DNAH9: variants seen among roughly 807,000 people sequenced by gnomAD.
DNAH9 encodes the protein DNAH9 variant protein.
A neutral mutation model predicts 471.6 loss-of-function variants in DNAH9; 345 were observed. The ratio of observed to expected loss-of-function variants is 0.73; its 90% CI spans 0.67 to 0.80. The LOEUF is 0.80. Among genes scored for constraint, DNAH9 ranks in the 30% least tolerant of loss-of-function variants. DNAH9 has a pLI of 0.00. For missense variants in DNAH9, 5,407 were observed against 5,609.2 expected (o/e 0.96, Z 1.15); for synonymous variants, 2,093 against 2,123.6 (o/e 0.99, Z 0.40).
intron 15 of DNAH9, among the ~76,000 whole-genome samples, chr17:11,667,396 T>C (rs576645307): frequency 3.2e-4 from 49 of 152,332 alleles, no homozygotes; most frequent in African/African-American, 9.1e-4. Flanking sequence ...ATTGGGACTC[T>C]CCTGAGTCCA....
Position 11,738,878 on chromosome 17 carries a change from A to G in DNAH9, c.5815-2A>G. 1 of 1,613,662 alleles carries G rather than the reference A, an allele frequency of 6.2e-7. No individual in the cohort carries two copies. The highest frequency in any genetic ancestry group is 8.5e-7 in the Non-Finnish European group (1 of 1,179,718). Reference sequence around the variant, plus strand: ...TTTCTCGCTGATTGATTGGTTCACCAGGTAAAAAGCATTCAAGATGCGATT... The same window carrying G: ...TTTCTCGCTGATTGATTGGTTCACCGGGTAAAAAGCATTCAAGATGCGATT... On this transcript the variant is annotated splice_acceptor_variant, in intron 28 of 68. Coordinates refer to ENST00000262442, the MANE Select transcript of DNAH9 (RefSeq NM_001372.4). LOFTEE classifies it high-confidence loss of function.
At chr17:11,775,892 A>T (rs777406513) in intron 38 of DNAH9, among the ~76,000 whole-genome samples, 3 of 152,106 alleles carry the variant, frequency 2.0e-5, no homozygotes, top group Non-Finnish European at 4.4e-5. Context: ...GCGCCGGGCC[A>T]ATCAGATGTT....
intron 49 of DNAH9, among the ~76,000 whole-genome samples, chr17:11,846,355 G>C (rs1326902090): frequency 1.3e-5 from 2 of 149,782 alleles, no homozygotes; most frequent in Non-Finnish European, 3.0e-5. Context: ...CTGTTCCATT[G>C]ATCTATATCT....
chr17:11,928,957 AG>A (rs1332055095), intron 62 of DNAH9, among the ~76,000 whole-genome samples: 1 of 151,858 alleles, frequency 6.6e-6, no homozygotes, highest in African/African-American at 2.4e-5. Context: ...TGTACCATCA[AG>A]GTTTCAAATA....
chr17:11,942,493 C>G lies in DNAH9; in HGVS notation c.12843+8C>G, dbSNP rs62062000. ...CTGGAGCTCGGCTTAAAGGTGAGCG[C>G]GGTCTTGTAAGGCATGGAGGGGACA... On this transcript the variant is annotated splice_region_variant and intron_variant, in intron 67 of 68. Coordinates refer to ENST00000262442, the MANE Select transcript of DNAH9 (RefSeq NM_001372.4). The G allele has an allele frequency of 6.2e-7, 1 of 1,612,062 alleles. No individual in the cohort carries two copies. The highest frequency in any genetic ancestry group is 1.1e-5 in the South Asian group (1 of 90,902).
intron 23 of DNAH9, 54 bp from the exon 24 acceptor site, chr17:11,701,068 G>A (rs2074584903): frequency 1.2e-6 from 2 of 1,606,016 alleles, no homozygotes; most frequent in East Asian, 2.2e-5. Context: ...AAAATATGTA[G>A]GACTAACCAA....
chr17:11,776,353 C>CAA (rs78587925), intron 38 of DNAH9, among the ~76,000 whole-genome samples: 1,338 of 112,682 alleles, frequency 0.012, 30 homozygotes, highest in African/African-American at 0.039. Flanking sequence ...CATCTGCATT[C>CAA]AAAAAAAAAA....
At chr17:11,893,764 AG>A (rs1358121041) in intron 58 of DNAH9, among the ~76,000 whole-genome samples, 1 of 152,204 alleles carries the variant, frequency 6.6e-6, no homozygotes, top group East Asian at 1.9e-4. Flanking sequence ...TAAGGCATGC[AG>A]GGCTTCAAAC....
At chr17:11,699,581 C>A in intron 22 of DNAH9, 150 bp from the exon 23 acceptor site, 1 of 663,970 alleles carries the variant, frequency 1.5e-6, no homozygotes, top group South Asian at 1.9e-5. Flanking sequence ...GTCCTCACAT[C>A]AGCATTGTTC....
At chr17:11,786,336 G>A (rs1009484906) in intron 41 of DNAH9, among the ~76,000 whole-genome samples, 1 of 152,066 alleles carries the variant, frequency 6.6e-6, no homozygotes, top group Non-Finnish European at 1.5e-5. Context: ...AGCGCCAATG[G>A]TCAGGGAGGT....
At position 11,826,820 on chromosome 17, in the gene DNAH9, CT is replaced by C. The variant is rs760330537; in HGVS notation, c.9246+3808del. Among the ~76,000 whole-genome samples the C allele has an allele frequency of 4.9e-3, 508 of 102,992 alleles. 1 individual carries two copies. The highest frequency in any genetic ancestry group is 0.014 in the South Asian group (41 of 2,876). The allele number at this position is 102,992 out of a possible 152,430, so 67.6% of individuals were successfully genotyped here. On this transcript the variant is annotated intron_variant, in intron 48 of 68. Coordinates refer to ENST00000262442, the MANE Select transcript of DNAH9 (RefSeq NM_001372.4). ...TGTCCTCTTGTTGAGTCCCTACTTT[CT>C]TTTTTTTTTTTTTTTTTTTTTGAGA...
chr17:11,679,779 A>G lies in DNAH9; in HGVS notation c.3376A>G (p.Ile1126Val). The part of the protein sequence containing the change: ...THSLANLDAF[I>V]KKSESGLLKK... ...TAGCTTGGCCAACCTGGATGCGTTT[A>G]TAAAGAAGAGTGAGAGCGGCTTACT... Residue 1126 changes from isoleucine (I) to valine (V), a missense_variant, in exon 18 of 69, where the codon ATA becomes GTA. Coordinates refer to ENST00000262442, the MANE Select transcript of DNAH9 (RefSeq NM_001372.4). The G allele has an allele frequency of 1.2e-6, 2 of 1,614,104 alleles. No homozygotes were observed. Among genetic ancestry groups the G allele is most frequent in the Non-Finnish European group, 1.7e-6 (2 of 1,179,962 alleles).
intron 50 of DNAH9, among the ~76,000 whole-genome samples, chr17:11,867,446 A>G (rs1266804659): frequency 6.9e-6 from 1 of 145,764 alleles, no homozygotes; most frequent in Admixed American, 7.3e-5. Context: ...ATTAACAACA[A>G]TAGTGATTTC....
intron 50 of DNAH9, among the ~76,000 whole-genome samples, chr17:11,857,519 C>A (rs535423824): frequency 6.6e-6 from 1 of 152,152 alleles, no homozygotes; most frequent in East Asian, 1.9e-4. Flanking sequence ...ATACACACAC[C>A]CAAGTCTTAC....
chr17:11,818,344 G>A (rs776348763), intron 45 of DNAH9, among the ~76,000 whole-genome samples: 4 of 151,812 alleles, frequency 2.6e-5, no homozygotes, highest in Non-Finnish European at 4.4e-5. Context: ...CAGGAGAATC[G>A]CTTGAACCTG....
rs538752174 is a variant in DNAH9, at chr17:11,653,385, C to T, written c.2595+383C>T. On this transcript the variant is annotated intron_variant, in intron 14 of 68. Coordinates refer to ENST00000262442, the MANE Select transcript of DNAH9 (RefSeq NM_001372.4). ...GTCCTCCAGCATCATCCTTATAACC[C>T]GGCTCCGTAGAGCCTAAAGAAATGA... Among the ~76,000 whole-genome samples, 8 of 152,286 alleles carry T rather than the reference C, an allele frequency of 5.3e-5. No individual in the cohort carries two copies. The South Asian group carries it at 1.5e-3, about 28-fold the overall frequency.
In DNAH9 at chr17:11,923,912, G is replaced by A. The variant is rs761835182; in HGVS notation, c.11848G>A (p.Ala3950Thr). 1 of 1,613,998 alleles carries A rather than the reference G, an allele frequency of 6.2e-7. No homozygotes were observed. Among genetic ancestry groups the A allele is most frequent in the South Asian group, 1.1e-5 (1 of 91,074 alleles). Residue 3950 changes from alanine to threonine, a missense_variant, in exon 62 of 69, where the codon GCC (alanine) becomes ACC (threonine). This residue lies in a region of DNAH9 where 4,636 missense variants were observed against 4,900.3 expected (regional missense o/e 0.95). Coordinates refer to ENST00000262442, the MANE Select transcript of DNAH9 (RefSeq NM_001372.4). ...VVAEAALDLA[A>T]KKGHWVILQN... The stretch of plus-strand genomic sequence containing the variant: ...GGCTGAGGCTGCGCTGGACCTCGCT[G>A]CCAAGAAAGGTCACTGGGTTATTTT...
chr17:11,869,480 G>A (rs1452679260), intron 51 of DNAH9, among the ~76,000 whole-genome samples: 1 of 152,180 alleles, frequency 6.6e-6, no homozygotes, highest in Non-Finnish European at 1.5e-5. Context: ...TGGGAGCACT[G>A]GATCTATCAG....
At chr17:11,816,460 T>G (rs983816819) in intron 45 of DNAH9, among the ~76,000 whole-genome samples, 19 of 152,272 alleles carry the variant, frequency 1.2e-4, no homozygotes, top group African/African-American at 4.3e-4. Flanking sequence ...AATACTACTA[T>G]TGGACATGTG....
Sources: gnomAD v4.1 joint callset for allele counts (sites outside exome capture counted in the v4.1 genomes callset) on GRCh38, gnomAD v4.1.1 for gene constraint, gnomAD v4.1.1 regional missense constraint, MANE v1.5 for transcripts, NCBI Gene and HGNC (gene_info 2026-07-23, HGNC 2026-07-21) for gene names.